ZHX2: variants seen among roughly 807,000 people sequenced by gnomAD.
ZHX2 encodes zinc fingers and homeoboxes protein 2.
In ZHX2, 6 loss-of-function variants were observed where a neutral mutation model predicts 21.9. The ratio of observed to expected loss-of-function variants is 0.27; its 90% CI spans 0.15 to 0.54. The LOEUF (loss-of-function observed/expected upper bound fraction) is 0.54. ZHX2 is among the 20% of genes least tolerant of loss of function. The probability of loss-of-function intolerance (pLI) is 0.95; values close to 1 mark genes in which losing one functional copy is unlikely to be tolerated. For missense variants in ZHX2, 908 were observed against 1,090.7 expected (o/e 0.83, Z 2.36); for synonymous variants, 434 against 437.1 (o/e 0.99, Z 0.09).
chr8:122,907,532 G>C (rs1325089157), intron 2 of ZHX2, among the ~76,000 whole-genome samples: 2 of 152,188 alleles, frequency 1.3e-5, no homozygotes, highest in Non-Finnish European at 2.9e-5. Flanking sequence ...TTTCCAGCTT[G>C]AGTTTTCCTT....
intron 1 of ZHX2, among the ~76,000 whole-genome samples, chr8:122,849,349 G>C (rs1021321180): frequency 6.6e-6 from 1 of 152,182 alleles, no homozygotes; most frequent in Non-Finnish European, 1.5e-5. Flanking sequence ...ACCTCTCTAT[G>C]CCTGGTCTTC....
intron 3 of ZHX2, among the ~76,000 whole-genome samples, chr8:122,964,346 A>C (rs1248409461): frequency 7.2e-5 from 11 of 152,022 alleles, no homozygotes; most frequent in Admixed American, 7.2e-4. Flanking sequence ...GAGGGTTTTA[A>C]TCATATAGGG....
chr8:122,910,363 A>G lies in ZHX2; in HGVS notation c.-219-40929A>G, dbSNP rs187746842. ...ACAGCCAATTCATTGTAGAATTGTG[A>G]TGGAAGCTTAAGTTCACCTGATGGA... On this transcript the variant is annotated intron_variant, in intron 2 of 3. Coordinates refer to ENST00000314393, the MANE Select transcript of ZHX2 (RefSeq NM_014943.5). 5.8e-3 allele frequency among the ~76,000 whole-genome samples: 879 copies of G among 152,298 alleles called. 5 individuals are homozygous for G. The highest frequency in any genetic ancestry group is 0.01 in the Non-Finnish European group (712 of 68,022).
chr8:122,925,040 G>T (rs1410790136), intron 2 of ZHX2, among the ~76,000 whole-genome samples: 1 of 152,166 alleles, frequency 6.6e-6, no homozygotes, highest in Non-Finnish European at 1.5e-5. Context: ...AGAACTCCTA[G>T]AGAGGAAAAG....
intron 2 of ZHX2, among the ~76,000 whole-genome samples, chr8:122,887,036 C>T (rs1005143224): frequency 6.8e-5 from 10 of 147,424 alleles, no homozygotes; most frequent in Admixed American, 2.7e-4. Context: ...GTACCTGACA[C>T]GGTGCTCTGC....
At chr8:122,837,443 C>G (rs1586311191) in intron 1 of ZHX2, among the ~76,000 whole-genome samples, 1 of 152,162 alleles carries the variant, frequency 6.6e-6, no homozygotes, top group Non-Finnish European at 1.5e-5. Context: ...ATTCCATAAG[C>G]TGGTCCTGCC....
intron 2 of ZHX2, among the ~76,000 whole-genome samples, 157 bp downstream of exon 2, chr8:122,863,696 G>C (rs970094732): frequency 3.3e-5 from 5 of 152,120 alleles, no homozygotes; most frequent in African/African-American, 1.2e-4. Flanking sequence ...CAGAATCTAG[G>C]TGTGAGTCCC....
chr8:122,948,554 G>T (rs1361501110), intron 2 of ZHX2, among the ~76,000 whole-genome samples: 1 of 152,070 alleles, frequency 6.6e-6, no homozygotes, highest in Non-Finnish European at 1.5e-5. Context: ...GAGTAATGAG[G>T]AGAACTCTAC....
intron 1 of ZHX2, among the ~76,000 whole-genome samples, chr8:122,801,075 TACTCA>T (rs1817710716): frequency 6.6e-6 from 1 of 152,360 alleles, no homozygotes; most frequent in Admixed American, 6.5e-5. Context: ...AAGTTGCAGA[TACTCA>T]ACTCTGCAAA....
At chr8:122,956,223 A>G (rs1813297253) in intron 3 of ZHX2, among the ~76,000 whole-genome samples, 1 of 152,134 alleles carries the variant, frequency 6.6e-6, no homozygotes, top group Non-Finnish European at 1.5e-5. Context: ...CCCAGAGAGG[A>G]CAATAGGGTT....
intron 1 of ZHX2, among the ~76,000 whole-genome samples, chr8:122,838,027 T>C (rs1818543057): frequency 6.6e-6 from 1 of 152,182 alleles, no homozygotes; most frequent in South Asian, 2.1e-4. Context: ...CCCGTTGAGC[T>C]TTGTGTTTGG....
chr8:122,841,127 C>T (rs889751460), intron 1 of ZHX2, among the ~76,000 whole-genome samples: 1 of 152,180 alleles, frequency 6.6e-6, no homozygotes, highest in Non-Finnish European at 1.5e-5. Context: ...GTACTGCTGC[C>T]AGGTGGAGCG....
chr8:122,850,530 C>G (rs947893257), intron 1 of ZHX2, among the ~76,000 whole-genome samples: 1 of 151,474 alleles, frequency 6.6e-6, no homozygotes, highest in African/African-American at 2.4e-5. Flanking sequence ...ATCCCAGCTA[C>G]TCGGGAGGCT....
intron 2 of ZHX2, among the ~76,000 whole-genome samples, chr8:122,908,417 C>T (rs1244327580): frequency 4.6e-5 from 7 of 152,000 alleles, no homozygotes; most frequent in Admixed American, 4.6e-4. Context: ...ACCATGTTGG[C>T]CAGGCTGGTC....
intron 2 of ZHX2, among the ~76,000 whole-genome samples, chr8:122,874,774 A>G (rs1237879153): frequency 6.6e-6 from 1 of 152,142 alleles, no homozygotes; most frequent in Non-Finnish European, 1.5e-5. Context: ...GCCAGACCAT[A>G]AAGTCTGAGC....
chr8:122,907,620 C>A (rs1820380200), intron 2 of ZHX2, among the ~76,000 whole-genome samples: 1 of 152,180 alleles, frequency 6.6e-6, no homozygotes, highest in African/African-American at 2.4e-5. Context: ...ACAAATGAAA[C>A]TGGTAAAGCT....
chr8:122,916,619 A>G (rs7843271), intron 2 of ZHX2, among the ~76,000 whole-genome samples: 131,457 of 152,176 alleles, frequency 0.86, 57,087 homozygotes, highest in African/African-American at 0.95. Context: ...GTACTTGCTC[A>G]CCGTCTTGCT....
intron 2 of ZHX2, among the ~76,000 whole-genome samples, chr8:122,917,918 A>T (rs768925948): frequency 5.3e-5 from 8 of 152,132 alleles, no homozygotes; most frequent in Non-Finnish European, 1.0e-4. Context: ...GGCCATCAGG[A>T]TTCTTCTCAA....
At chr8:122,959,301 A>G (rs1014611672) in intron 3 of ZHX2, among the ~76,000 whole-genome samples, 2 of 152,236 alleles carry the variant, frequency 1.3e-5, no homozygotes, top group Admixed American at 1.3e-4. Context: ...GCTGCTAAGC[A>G]TTGCATTCTG....
Sources: allele counts gnomAD v4.1 joint callset (sites outside exome capture counted in the v4.1 genomes callset), GRCh38; gene constraint gnomAD v4.1.1; transcripts MANE v1.5; gene names NCBI Gene and HGNC (gene_info 2026-07-23, HGNC 2026-07-21).